The following BRINP2 variants were observed in gnomAD, a reference collection of about 807,000 sequenced individuals.
The protein encoded by BRINP2 is BMP/retinoic acid inducible neural specific 2.
A neutral mutation model predicts 69.2 loss-of-function variants in BRINP2; 21 were observed. That is an observed-to-expected ratio of 0.30 (90% confidence interval 0.22 to 0.44). The LOEUF is 0.44. BRINP2 is among the 20% of genes least tolerant of loss of function. BRINP2 has a pLI of 1.00. For synonymous variants in BRINP2, 380 were observed against 394.1 expected, an observed-to-expected ratio of 0.96 and a Z score of 0.42; for missense variants, 877 against 986.0, an observed-to-expected ratio of 0.89 and a Z score of 1.48.
chr1:177,268,052 T>C (rs1002662219), intron 4 of BRINP2, among the ~76,000 whole-genome samples: 12 of 152,170 alleles, frequency 7.9e-5, no homozygotes, highest in African/African-American at 2.4e-4. Context: ...AGTTTTCACA[T>C]TTACACAACT....
intron 1 of BRINP2, among the ~76,000 whole-genome samples, chr1:177,180,903 CATT>C (rs1402302518): frequency 4.6e-5 from 7 of 152,162 alleles, no homozygotes; most frequent in African/African-American, 1.4e-4. Flanking sequence ...TAGGACCAAT[CATT>C]GTTGTTCTCC....
chr1:177,178,402 G>A (rs1272337629), intron 1 of BRINP2, among the ~76,000 whole-genome samples: 1 of 152,150 alleles, frequency 6.6e-6, no homozygotes, highest in South Asian at 2.1e-4. Flanking sequence ...CCTACATCCC[G>A]CTTCTCACAG....
At chr1:177,209,798 A>T (rs1649175013) in intron 1 of BRINP2, among the ~76,000 whole-genome samples, 1 of 152,244 alleles carries the variant, frequency 6.6e-6, no homozygotes. Flanking sequence ...AGTATTCATA[A>T]TACCTTGTTC....
chr1:177,205,175 C>G (rs921748346), intron 1 of BRINP2, among the ~76,000 whole-genome samples: 6 of 152,144 alleles, frequency 3.9e-5, no homozygotes, highest in African/African-American at 1.4e-4. Context: ...TGGAGTTTCA[C>G]TCTTGTCTTC....
intron 4 of BRINP2, among the ~76,000 whole-genome samples, chr1:177,262,210 T>A (rs1212097256): frequency 6.6e-6 from 1 of 152,158 alleles, no homozygotes; most frequent in Non-Finnish European, 1.5e-5. Flanking sequence ...CATATTGATA[T>A]ACTGATTAAA....
chr1:177,219,214 G>T (rs1249434416), intron 1 of BRINP2, among the ~76,000 whole-genome samples: 4 of 152,132 alleles, frequency 2.6e-5, no homozygotes, highest in Admixed American at 1.3e-4. Flanking sequence ...GAACTTCCAA[G>T]CTAGCTCCTG....
chr1:177,278,299 G>C (rs1189240790), intron 6 of BRINP2, among the ~76,000 whole-genome samples: 2 of 152,160 alleles, frequency 1.3e-5, no homozygotes, highest in Non-Finnish European at 1.5e-5. Flanking sequence ...TGGCCCCTCT[G>C]AGGGTGGCAG....
At chr1:177,174,323 G>A (rs932179347) in intron 1 of BRINP2, among the ~76,000 whole-genome samples, 3 of 152,230 alleles carry the variant, frequency 2.0e-5, no homozygotes, top group Non-Finnish European at 4.4e-5. Flanking sequence ...TTGTAAGGAT[G>A]GAGATGTTAC....
chr1:177,176,732 G>A (rs73034413), intron 1 of BRINP2, among the ~76,000 whole-genome samples: 2,830 of 151,556 alleles, frequency 0.019, 98 homozygotes, highest in African/African-American at 0.066. Flanking sequence ...ATTCAAGAAG[G>A]GCACAAATAG....
At chr1:177,220,500 C>T (rs979581381) in intron 1 of BRINP2, among the ~76,000 whole-genome samples, 1 of 152,106 alleles carries the variant, frequency 6.6e-6, no homozygotes, top group East Asian at 1.9e-4. Flanking sequence ...ACCCCCTTCA[C>T]CTTCTGCCAT....
chr1:177,200,044 C>A (rs955999111), intron 1 of BRINP2, among the ~76,000 whole-genome samples: 3 of 152,076 alleles, frequency 2.0e-5, no homozygotes, highest in African/African-American at 7.2e-5. Flanking sequence ...GTAATCCCAG[C>A]ACTTTGGGAG....
rs1648321923 is a variant in BRINP2 at position 177,183,243 on chromosome 1, ATGTAT to A, written c.-77+11513_-77+11517del. Among the ~76,000 whole-genome samples the A allele has an allele frequency of 1.4e-5, 2 of 142,790 alleles. 1 individual carries two copies. Among genetic ancestry groups the A allele is most frequent in the South Asian group, 4.3e-4 (2 of 4,610 alleles). The allele number at this position is 142,790 out of a possible 152,430, so 93.7% of individuals were successfully genotyped here. A position where few individuals can be genotyped will look rare whatever the true frequency, so the allele number is the denominator to read the frequency against. On this transcript the variant is annotated intron_variant, in intron 1 of 7. Coordinates refer to ENST00000361539, the MANE Select transcript of BRINP2 (RefSeq NM_021165.4). ...TTTGGCAGTGACTTAAAAAGACTTC[ATGTAT>A]TTTGGAAAGAAAAAAAAAAGCCACA...
chr1:177,261,225 G>T (rs1409872179), intron 4 of BRINP2, among the ~76,000 whole-genome samples: 1 of 151,896 alleles, frequency 6.6e-6, no homozygotes, highest in Non-Finnish European at 1.5e-5. Flanking sequence ...GAGGTTGCAG[G>T]GGCCATATCA....
intron 2 of BRINP2, among the ~76,000 whole-genome samples, chr1:177,254,378 GCACACACACACACACACACACA>G (rs71565492): frequency 6.9e-6 from 1 of 143,938 alleles, no homozygotes. Flanking sequence ...AAGCACACAT[GCACACACACACACACACACACA>G]CACACACACT....
At chr1:177,273,695 C>A in intron 5 of BRINP2, 102 bp downstream of exon 5, 1 of 663,946 alleles carries the variant, frequency 1.5e-6, no homozygotes, top group South Asian at 2.5e-5. Context: ...TCCATTTGAT[C>A]AAACCTTTCT....
chr1:177,235,130 C>T (rs1458050771), intron 2 of BRINP2, among the ~76,000 whole-genome samples: 1 of 152,184 alleles, frequency 6.6e-6, no homozygotes, highest in Non-Finnish European at 1.5e-5. Flanking sequence ...ATTAGCATCA[C>T]CTGAGAGCTT....
chr1:177,274,862 T>C (rs1651443949), intron 5 of BRINP2, among the ~76,000 whole-genome samples: 1 of 152,090 alleles, frequency 6.6e-6, no homozygotes, highest in South Asian at 2.1e-4. Context: ...CAGTACAGAA[T>C]TGGAGGTAGA....
intron 1 of BRINP2, among the ~76,000 whole-genome samples, chr1:177,201,369 T>C (rs1648904858): frequency 6.6e-6 from 1 of 152,180 alleles, no homozygotes; most frequent in Non-Finnish European, 1.5e-5. Flanking sequence ...TATTGTGTCA[T>C]AAAGGACTAT....
chr1:177,194,495 A>T (rs1648683063), intron 1 of BRINP2, among the ~76,000 whole-genome samples: 1 of 152,234 alleles, frequency 6.6e-6, no homozygotes, highest in African/African-American at 2.4e-5. Flanking sequence ...TTAAATGGAC[A>T]GAATCACAAA....
Sources: gnomAD v4.1 joint callset for allele counts (sites outside exome capture counted in the v4.1 genomes callset) on GRCh38, gnomAD v4.1.1 for gene constraint, MANE v1.5 for transcripts, NCBI Gene and HGNC (gene_info 2026-07-23, HGNC 2026-07-21) for gene names.